ARSB: variants seen among roughly 807,000 people sequenced by gnomAD.
ARSB encodes N-acetylgalactosamine-4-sulfatase.
A neutral mutation model predicts 50.9 loss-of-function variants in ARSB; 41 were observed. The ratio of observed to expected loss-of-function variants is 0.81; its 90% CI spans 0.63 to 1.04. ARSB has a LOEUF of 1.04. ARSB is among the 50% of genes least tolerant of loss of function. The pLI is 0.00. For missense variants in ARSB, 672 were observed against 693.3 expected (o/e 0.97, Z 0.35); for synonymous variants, 269 against 284.8 (o/e 0.94, Z 0.56).
At chr5:78,911,111 T>C (rs1264706381) in intron 4 of ARSB, among the ~76,000 whole-genome samples, 1 of 152,176 alleles carries the variant, frequency 6.6e-6, no homozygotes, top group African/African-American at 2.4e-5. Flanking sequence ...CAGTGCAGAA[T>C]AGTCAGAAGT....
At chr5:78,926,971 T>C (rs1453445204) in intron 4 of ARSB, among the ~76,000 whole-genome samples, 1 of 152,184 alleles carries the variant, frequency 6.6e-6, no homozygotes, top group Non-Finnish European at 1.5e-5. Flanking sequence ...AGCCTTGACC[T>C]CCCTGGCTCA....
At chr5:78,949,572 T>G (rs1351654367) in intron 4 of ARSB, among the ~76,000 whole-genome samples, 1 of 152,238 alleles carries the variant, frequency 6.6e-6, no homozygotes, top group East Asian at 1.9e-4. Flanking sequence ...TCTCCTTATA[T>G]TCAAACCCTC....
intron 4 of ARSB, among the ~76,000 whole-genome samples, chr5:78,943,036 G>A (rs1751016705): frequency 6.6e-6 from 1 of 152,144 alleles, no homozygotes; most frequent in Non-Finnish European, 1.5e-5. Flanking sequence ...ATTATGTAAT[G>A]GCCTTCTTTG....
chr5:78,915,660 G>T (rs1749517359), intron 4 of ARSB, among the ~76,000 whole-genome samples: 1 of 152,174 alleles, frequency 6.6e-6, no homozygotes, highest in Non-Finnish European at 1.5e-5. Context: ...CTTAGGACCA[G>T]AAGTGTTTGG....
At chr5:78,898,938 G>A (rs1251205703) in intron 4 of ARSB, among the ~76,000 whole-genome samples, 7 of 152,124 alleles carry the variant, frequency 4.6e-5, no homozygotes, top group South Asian at 2.1e-4. Flanking sequence ...GCACATTAGC[G>A]TTTTTTCTTT....
At chr5:78,781,479 A>T (rs1435890841) in intron 7 of ARSB, among the ~76,000 whole-genome samples, 1 of 152,054 alleles carries the variant, frequency 6.6e-6, no homozygotes, top group East Asian at 1.9e-4. Flanking sequence ...GCTTACTTGC[A>T]CCATGACAAT....
At chr5:78,936,128 TC>T (rs1269314376) in intron 4 of ARSB, among the ~76,000 whole-genome samples, 4 of 73,792 alleles carry the variant, frequency 5.4e-5, no homozygotes, top group African/African-American at 1.7e-4. Flanking sequence ...TCTCTCTCTC[TC>T]TTTTTTTTTT....
intron 5 of ARSB, among the ~76,000 whole-genome samples, chr5:78,842,756 C>CTGATTT (rs1554074472): frequency 1.1e-4 from 15 of 141,214 alleles, no homozygotes; most frequent in African/African-American, 3.8e-4. Context: ...GGTGAGTTTT[C>CTGATTT]TGTTTTTGTT....
intron 5 of ARSB, among the ~76,000 whole-genome samples, chr5:78,867,083 C>T (rs541648699): frequency 1.3e-5 from 2 of 152,250 alleles, no homozygotes; most frequent in South Asian, 4.2e-4. Context: ...TCGGGTCACT[C>T]CCACCCGAAT....
At chr5:78,885,920 C>T in intron 4 of ARSB, 93 bp from the exon 5 acceptor site, 1 of 1,577,368 alleles carries the variant, frequency 6.3e-7, no homozygotes, top group Non-Finnish European at 8.7e-7. Flanking sequence ...CTAAATGGTG[C>T]TTAAATAATA....
chr5:78,969,110 A>T lies in ARSB; in HGVS notation c.395T>A (p.Leu132His). 6.2e-7 allele frequency: 1 copy of T among 1,614,106 alleles called. No individual in the cohort carries two copies. The highest frequency in any genetic ancestry group is 8.5e-7 in the Non-Finnish European group (1 of 1,180,004). ...GGTAGTATAACCTGCTTCTTTTAGG[A>T]GCTGGGGCAGGAGTTTTTCATCCAG... is the stretch of plus-strand genomic sequence containing the variant. ...VPLDEKLLPQ[L>H]LKEAGYTTHM... Residue 132 changes from leucine (L) to histidine (H), a missense_variant, in exon 2 of 8, where the codon CTC (leucine) becomes CAC (histidine). Transcript: ENST00000264914.
chr5:78,889,203 G>T (rs1019395508), intron 4 of ARSB, among the ~76,000 whole-genome samples: 1 of 152,222 alleles, frequency 6.6e-6, no homozygotes, highest in African/African-American at 2.4e-5. Flanking sequence ...GGTAGGAGTA[G>T]CAACAAGAAT....
At chr5:78,788,647 C>T (rs1749163174) in intron 6 of ARSB, among the ~76,000 whole-genome samples, 1 of 152,100 alleles carries the variant, frequency 6.6e-6, no homozygotes, top group African/African-American at 2.4e-5. Flanking sequence ...GGCTAAAATA[C>T]AGTGGTGAGA....
In ARSB at chr5:78,890,247, TTA is replaced by T. The variant is rs1211650410; in HGVS notation, c.899-4422_899-4421del. ...AATTACATTCTGATATTCTCAAATCTTATCTTTTTTTTTTTTTTTTTGAGACA... is the reference window on the plus strand; with the variant it reads ...AATTACATTCTGATATTCTCAAATCTTCTTTTTTTTTTTTTTTTTGAGACA... On this transcript the variant is annotated intron_variant, in intron 4 of 7. Coordinates refer to ENST00000264914, the MANE Select transcript of ARSB (RefSeq NM_000046.5). 3.8e-3 allele frequency among the ~76,000 whole-genome samples: 339 copies of T among 89,172 alleles called. 12 individuals carry two copies. The highest frequency in any genetic ancestry group is 0.013 in the East Asian group (32 of 2,388). The allele number at this position is 89,172 out of a possible 152,430, so 58.5% of individuals were successfully genotyped here.
rs1241845367 is a variant in ARSB, at chr5:78,785,476, T to C, written c.1214-3502A>G. On this transcript the variant is annotated intron_variant, in intron 6 of 7. Coordinates refer to ENST00000264914, the MANE Select transcript of ARSB (RefSeq NM_000046.5). ...AGAGGTATGTTAAAAATCTCTTCTA[T>C]GACTGGATAATTATTTTGAAAACTC... 2.0e-5 allele frequency among the ~76,000 whole-genome samples: 3 copies of C among 152,234 alleles called. No individual in the cohort carries two copies. In the East Asian group the frequency reaches 5.8e-4, roughly 29 times the overall value.
At chr5:78,801,397 T>C (rs11960862) in intron 6 of ARSB, among the ~76,000 whole-genome samples, 52,304 of 151,980 alleles carry the variant, frequency 0.34, 11,411 homozygotes, top group African/African-American at 0.63. Flanking sequence ...GTCTAGACGA[T>C]GAATAGAGCA....
intron 5 of ARSB, among the ~76,000 whole-genome samples, chr5:78,845,363 T>C (rs997908877): frequency 6.6e-6 from 1 of 152,120 alleles, no homozygotes; most frequent in African/African-American, 2.4e-5. Flanking sequence ...CTCCTTGATA[T>C]ACTGATTTCA....
rs62377549 is a variant in ARSB, at chr5:78,854,428, C to G, written c.1143-15002G>C. Among the ~76,000 whole-genome samples the G allele has an allele frequency of 5.9e-3, 902 of 152,278 alleles. 7 individuals are homozygous for G. Among genetic ancestry groups the G allele is most frequent in the Non-Finnish European group, 9.5e-3 (648 of 68,010 alleles). On this transcript the variant is annotated intron_variant, in intron 5 of 7. Transcript: ENST00000264914. ...CATAGGTTTTTGATATGCTGTATGT[C>G]TATTTTCATTTCTTTCAAGACATTT...
chr5:78,969,321 T>C (rs982123849), intron 1 of ARSB, 129 bp from the exon 2 acceptor site: 16 of 972,384 alleles, frequency 1.6e-5, no homozygotes, highest in Non-Finnish European at 2.5e-5. Context: ...CTGTACTGGC[T>C]TGAGGATATT....
Sources: gnomAD v4.1 joint callset for allele counts (sites outside exome capture counted in the v4.1 genomes callset) on GRCh38, gnomAD v4.1.1 for gene constraint, MANE v1.5 for transcripts, NCBI Gene and HGNC (gene_info 2026-07-23, HGNC 2026-07-21) for gene names.